NFIB: variants seen among roughly 807,000 people sequenced by gnomAD.
NFIB encodes the protein nuclear factor 1 B-type.
A neutral mutation model predicts 61.5 loss-of-function variants in NFIB; 11 were observed. The observed-to-expected ratio is 0.18, with a 90% CI of 0.11 to 0.30. The LOEUF is 0.30. Ranked by LOEUF, NFIB falls within the 10% of genes least tolerant of loss-of-function variation. NFIB has a pLI of 1.00. For synonymous variants in NFIB, 260 were observed against 216.5 expected (o/e 1.20, Z -1.76); for missense variants, 471 against 608.9 (o/e 0.77, Z 2.38).
intron 10 of NFIB, among the ~76,000 whole-genome samples, chr9:14,089,816 A>T (rs769240708): frequency 7.9e-5 from 12 of 152,158 alleles, no homozygotes; most frequent in Non-Finnish European, 1.8e-4. Flanking sequence ...AACAATTCTG[A>T]ATTTTTTTTA....
In NFIB at chr9:14,216,010, C is replaced by T. The variant is rs570055750; in HGVS notation, c.563-36230G>A. On this transcript the variant is annotated intron_variant, in intron 2 of 10. Transcript: ENST00000380953. Reference sequence around the variant, plus strand: ...AATAAATAGGAGGTATCATCATCATCACTCTTGGTAATGACGATAAAGCTG... The same window carrying T: ...AATAAATAGGAGGTATCATCATCATTACTCTTGGTAATGACGATAAAGCTG... Among the ~76,000 whole-genome samples, 7 of 152,288 alleles carry T rather than the reference C, an allele frequency of 4.6e-5. No individual in the cohort carries two copies. The South Asian group carries it at 1.2e-3, about 27-fold the overall frequency.
chr9:14,166,377 CCTT>C (rs2044790619), intron 3 of NFIB, among the ~76,000 whole-genome samples: 1 of 152,118 alleles, frequency 6.6e-6, no homozygotes, highest in Admixed American at 6.5e-5. Flanking sequence ...AGGTGAAACT[CCTT>C]GAGTGAAAAA....
chr9:14,319,686 T>C (rs2060620242), intron 1 of NFIB, among the ~76,000 whole-genome samples: 1 of 152,232 alleles, frequency 6.6e-6, no homozygotes. Context: ...TAGAAAGCTC[T>C]GTCCAAAATG....
At chr9:14,283,328 G>A (rs1043635502) in intron 2 of NFIB, among the ~76,000 whole-genome samples, 1 of 152,188 alleles carries the variant, frequency 6.6e-6, no homozygotes, top group Admixed American at 6.5e-5. Context: ...CTGGACACAG[G>A]TTGAAGGAAT....
intron 2 of NFIB, among the ~76,000 whole-genome samples, chr9:14,191,720 A>G (rs866210706): frequency 1.3e-5 from 2 of 152,218 alleles, no homozygotes; most frequent in African/African-American, 4.8e-5. Context: ...TTAGACATCA[A>G]TGCCTTCCAG....
chr9:14,415,858 G>A, the NFIB span, among the ~76,000 whole-genome samples: 1 of 152,140 alleles, frequency 6.6e-6, no homozygotes, highest in African/African-American at 2.4e-5. Flanking sequence ...GCCATCTTTG[G>A]ACCTAATGGT....
the NFIB span, among the ~76,000 whole-genome samples, chr9:14,434,573 C>T: frequency 6.6e-6 from 1 of 152,140 alleles, no homozygotes. Context: ...CCCTTTCAAA[C>T]TCATTGATCC....
the NFIB span, among the ~76,000 whole-genome samples, chr9:14,523,970 G>A: frequency 6.6e-6 from 1 of 152,140 alleles, no homozygotes; most frequent in African/African-American, 2.4e-5. Flanking sequence ...TCTGGAAAAA[G>A]ACGGCATAAC....
chr9:14,200,088 T>G (rs543816108), intron 2 of NFIB, among the ~76,000 whole-genome samples: 1 of 152,270 alleles, frequency 6.6e-6, no homozygotes, highest in East Asian at 1.9e-4. Context: ...GAAGGCCTGG[T>G]AAGAGCAATT....
In NFIB at chr9:14,313,459, G is replaced by C. The variant is rs371460188; in HGVS notation, c.30+23C>G. On this transcript the variant is annotated intron_variant, in intron 1 of 10. Coordinates refer to ENST00000380953, the MANE Select transcript of NFIB (RefSeq NM_001190737.2). This position sits in a 1 kb window ranked among gnomAD's most constrained non-coding sequence, Gnocchi z 4.5. ...GCATTTCGGGCCAGAGAGAAAGCTCGAGAAAGCGACCGAGACATGTACCTG... is the reference window on the plus strand; with the variant it reads ...GCATTTCGGGCCAGAGAGAAAGCTCCAGAAAGCGACCGAGACATGTACCTG... 15 of 1,613,612 alleles carry C rather than the reference G, an allele frequency of 9.3e-6. No homozygotes were observed. The Middle Eastern group carries it at 5.0e-4, about 53-fold the overall frequency.
chr9:14,105,766 G>T (rs558554691), intron 10 of NFIB, among the ~76,000 whole-genome samples: 2 of 152,018 alleles, frequency 1.3e-5, no homozygotes, highest in Non-Finnish European at 2.9e-5. Context: ...TATATTAAAA[G>T]GTTAATACTA....
chr9:14,108,658 G>T (rs1015343464), intron 10 of NFIB, among the ~76,000 whole-genome samples: 3 of 152,066 alleles, frequency 2.0e-5, no homozygotes, highest in African/African-American at 7.2e-5. Context: ...GTAATGCAAA[G>T]ACCTGAATTG....
intron 6 of NFIB, among the ~76,000 whole-genome samples, chr9:14,129,772 GAAT>G (rs1168573965): frequency 2.0e-5 from 3 of 152,092 alleles, no homozygotes; most frequent in Admixed American, 1.3e-4. Context: ...AAAATAAGTT[GAAT>G]AATAATAAAG....
chr9:14,176,721 A>T (rs1357596234), intron 3 of NFIB, among the ~76,000 whole-genome samples: 1 of 152,112 alleles, frequency 6.6e-6, no homozygotes, highest in Admixed American at 6.5e-5. Context: ...CTTTAGGGTC[A>T]CCCTTCAGAA....
At chr9:14,210,043 TACA>T (rs1270161611) in intron 2 of NFIB, among the ~76,000 whole-genome samples, 1 of 152,208 alleles carries the variant, frequency 6.6e-6, no homozygotes, top group African/African-American at 2.4e-5. Flanking sequence ...TATAAATAAC[TACA>T]ACAATTGGTA....
chr9:14,155,137 T>C (rs2043258034), intron 4 of NFIB, among the ~76,000 whole-genome samples: 1 of 152,146 alleles, frequency 6.6e-6, no homozygotes, highest in African/African-American at 2.4e-5. Flanking sequence ...TTTAACATAA[T>C]TAGTACATAT....
At chr9:14,295,167 G>A (rs2059350785) in intron 2 of NFIB, among the ~76,000 whole-genome samples, 1 of 152,186 alleles carries the variant, frequency 6.6e-6, no homozygotes, top group Admixed American at 6.5e-5. Flanking sequence ...AAGGAGGAAT[G>A]GGAAAGAGTG....
At chr9:14,230,974 G>A (rs554802790) in intron 2 of NFIB, among the ~76,000 whole-genome samples, 1 of 122,574 alleles carries the variant, frequency 8.2e-6, no homozygotes, top group African/African-American at 2.6e-5. Flanking sequence ...AAGGCAAAGG[G>A]GGAGCGGAGA....
chr9:14,515,628 T>C, the NFIB span, among the ~76,000 whole-genome samples: 1 of 152,146 alleles, frequency 6.6e-6, no homozygotes, highest in South Asian at 2.1e-4. Flanking sequence ...AAGTTCTTGG[T>C]GTGATCATTC....
Sources: gnomAD v4.1 joint callset for allele counts (sites outside exome capture counted in the v4.1 genomes callset) on GRCh38, gnomAD v4.1.1 for gene constraint, Gnocchi (gnomAD v3.1) non-coding constraint, MANE v1.5 for transcripts, NCBI Gene and HGNC (gene_info 2026-07-23, HGNC 2026-07-21) for gene names.